The following SERPINI1 variants were observed in gnomAD, a reference collection of about 807,000 sequenced individuals.
The protein encoded by SERPINI1 is serpin family I member 1, also known as neuroserpin.
Under a neutral mutation model 41.1 loss-of-function variants are expected in SERPINI1, and 19 were observed. The observed-to-expected ratio is 0.46, with a 90% CI of 0.32 to 0.68. The LOEUF is 0.68. SERPINI1 is among the 30% of genes least tolerant of loss of function. The probability of loss-of-function intolerance (pLI) is 0.03; values close to 1 mark genes in which losing one functional copy is unlikely to be tolerated. For synonymous variants in SERPINI1, 138 were observed against 156.6 expected (o/e 0.88, Z 0.89); for missense variants, 460 against 479.2 (o/e 0.96, Z 0.37).
At chr3:167,756,310 T>C (rs1181694424) in intron 1 of SERPINI1, among the ~76,000 whole-genome samples, 1 of 152,074 alleles carries the variant, frequency 6.6e-6, no homozygotes, top group Non-Finnish European at 1.5e-5. Context: ...ACCCCCACAT[T>C]TTTTGAGACA....
chr3:167,783,575 A>G (rs1327415867), intron 1 of SERPINI1, among the ~76,000 whole-genome samples: 1 of 152,232 alleles, frequency 6.6e-6, no homozygotes, highest in South Asian at 2.1e-4. Context: ...TGAGAAGTGT[A>G]CTACCAAGAA....
intron 1 of SERPINI1, among the ~76,000 whole-genome samples, chr3:167,784,115 A>G (rs1311071176): frequency 6.7e-6 from 1 of 150,216 alleles, no homozygotes; most frequent in Non-Finnish European, 1.5e-5. Flanking sequence ...GCAGAGCTGC[A>G]GGTCCATCTA....
chr3:167,757,077 C>T (rs1417722254), intron 1 of SERPINI1, among the ~76,000 whole-genome samples: 1 of 152,174 alleles, frequency 6.6e-6, no homozygotes, highest in Admixed American at 6.5e-5. Context: ...TAGGGAAAGG[C>T]ACATTGAACA....
intron 5 of SERPINI1, among the ~76,000 whole-genome samples, chr3:167,798,265 A>G (rs1366150066): frequency 6.6e-6 from 1 of 152,168 alleles, no homozygotes; most frequent in African/African-American, 2.4e-5. Context: ...GCTCATATTC[A>G]TGCCTGTACT....
intron 1 of SERPINI1, among the ~76,000 whole-genome samples, chr3:167,759,412 A>ATATATATATATATATATATATATG (rs1726304549): frequency 6.7e-6 from 1 of 148,900 alleles, no homozygotes; most frequent in African/African-American, 2.5e-5. Flanking sequence ...ATATATATAT[A>ATATATATATATATATATATATATG]TATATATATG....
At chr3:167,819,932 T>C (rs1301613264) in intron 6 of SERPINI1, among the ~76,000 whole-genome samples, 3 of 152,180 alleles carry the variant, frequency 2.0e-5, no homozygotes, top group Non-Finnish European at 1.5e-5. Context: ...TTTCGAAAAA[T>C]GTATTTGAGG....
At chr3:167,802,631 G>T (rs1305577434) in intron 5 of SERPINI1, among the ~76,000 whole-genome samples, 1 of 148,344 alleles carries the variant, frequency 6.7e-6, no homozygotes, top group African/African-American at 2.5e-5. Flanking sequence ...GAAACAACAG[G>T]TGCTGGAGAG....
chr3:167,764,492 A>G (rs940626249), intron 1 of SERPINI1, among the ~76,000 whole-genome samples: 13 of 152,198 alleles, frequency 8.5e-5, no homozygotes, highest in Non-Finnish European at 1.5e-4. Flanking sequence ...CATTGGAAAG[A>G]CTTGCCCCCA....
intron 1 of SERPINI1, among the ~76,000 whole-genome samples, chr3:167,759,400 G>GTGTATATATA (rs964402772): frequency 2.5e-5 from 3 of 121,118 alleles, no homozygotes; most frequent in African/African-American, 9.1e-5. Context: ...AGAAAATGTG[G>GTGTATATATA]TATATATATA....
intron 1 of SERPINI1, among the ~76,000 whole-genome samples, chr3:167,751,590 C>T (rs1374610919): frequency 6.6e-6 from 1 of 152,134 alleles, no homozygotes; most frequent in Non-Finnish European, 1.5e-5. Flanking sequence ...TGTTAAATTA[C>T]TCCGCTAAAT....
At chr3:167,772,929 T>C (rs1395424204) in intron 1 of SERPINI1, among the ~76,000 whole-genome samples, 3 of 126,264 alleles carry the variant, frequency 2.4e-5, no homozygotes, top group Non-Finnish European at 4.9e-5. Context: ...CACATGCATA[T>C]ATACATATAC....
intron 4 of SERPINI1, among the ~76,000 whole-genome samples, chr3:167,793,814 A>ATATATC (rs2108559277): frequency 7.1e-6 from 1 of 141,166 alleles, no homozygotes; most frequent in East Asian, 2.1e-4. Flanking sequence ...GTGTATATAT[A>ATATATC]TATAGTTCAT....
chr3:167,774,270 T>C (rs1158322766), intron 1 of SERPINI1, among the ~76,000 whole-genome samples: 1 of 152,158 alleles, frequency 6.6e-6, no homozygotes, highest in Non-Finnish European at 1.5e-5. Context: ...AAAATGACAA[T>C]TTCATGAGAT....
At position 167,816,469 on chromosome 3, in the gene SERPINI1, G is replaced by A. The variant is rs527296043; in HGVS notation, c.980-6517G>A. Among the ~76,000 whole-genome samples, 20 of 152,234 alleles carry A rather than the reference G, an allele frequency of 1.3e-4. 1 individual carries two copies. The highest frequency in any genetic ancestry group is 4.3e-4 in the African/African-American group (18 of 41,538). On this transcript the variant is annotated intron_variant, in intron 6 of 8. Transcript: ENST00000446050. Reference sequence around the variant, plus strand: ...TAATATGAAATAGTTAACCACTTTCGTTCAACAATTACTGAAATCCTGTCT... The same window carrying A: ...TAATATGAAATAGTTAACCACTTTCATTCAACAATTACTGAAATCCTGTCT...
chr3:167,816,733 A>G (rs900120352), intron 6 of SERPINI1, among the ~76,000 whole-genome samples: 2 of 152,182 alleles, frequency 1.3e-5, no homozygotes, highest in Non-Finnish European at 1.5e-5. Context: ...GAGAGTGATC[A>G]GATCTACTTT....
intron 1 of SERPINI1, among the ~76,000 whole-genome samples, chr3:167,762,582 T>C (rs1448710981): frequency 6.6e-6 from 1 of 152,144 alleles, no homozygotes; most frequent in Admixed American, 6.5e-5. Flanking sequence ...TTAACCAGAC[T>C]CATTCCTCAG....
chr3:167,763,780 C>A (rs1355436399), intron 1 of SERPINI1, among the ~76,000 whole-genome samples: 2 of 152,142 alleles, frequency 1.3e-5, no homozygotes, highest in African/African-American at 4.8e-5. Context: ...TTTTAACCAT[C>A]TCCTAGGAAA....
chr3:167,811,670 A>G (rs1428699974), intron 6 of SERPINI1, among the ~76,000 whole-genome samples: 2 of 125,588 alleles, frequency 1.6e-5, no homozygotes, highest in Non-Finnish European at 3.5e-5. Flanking sequence ...TTGTATATGT[A>G]TTGCTTTTTT....
At chr3:167,764,401 G>A (rs1398602078) in intron 1 of SERPINI1, among the ~76,000 whole-genome samples, 3 of 150,806 alleles carry the variant, frequency 2.0e-5, no homozygotes, top group African/African-American at 5.0e-5. Context: ...GCAGCAGGCA[G>A]AGAGAGAGAG....
Sources: gnomAD v4.1 joint callset for allele counts (sites outside exome capture counted in the v4.1 genomes callset) on GRCh38, gnomAD v4.1.1 for gene constraint, MANE v1.5 for transcripts, NCBI Gene and HGNC (gene_info 2026-07-23, HGNC 2026-07-21) for gene names.